SLC7A4: variants seen among roughly 807,000 people sequenced by gnomAD.
SLC7A4 encodes cationic amino acid transporter 4.
SLC7A4 carries 30 observed loss-of-function variants against 37.8 expected under a neutral mutation model. That is an observed-to-expected ratio of 0.79 (90% CI 0.59 to 1.08). The LOEUF is 1.08. Ranked by LOEUF, SLC7A4 falls within the 50% of genes least tolerant of loss-of-function variation. The pLI is 0.00. For missense variants in SLC7A4, 839 were observed against 843.2 expected, an observed-to-expected ratio of 1.00 and a Z score of 0.06; for synonymous variants, 359 against 376.5, an observed-to-expected ratio of 0.95 and a Z score of 0.54.
Position 21,030,331 on chromosome 22 carries a change from T to C in SLC7A4, c.1003A>G (p.Ser335Gly). 1 of 1,609,186 alleles carries C rather than the reference T, an allele frequency of 6.2e-7. No individual in the cohort carries two copies. Residue 335 changes from serine to glycine, a missense_variant, in exon 3 of 5, where the codon AGC becomes GGC. By Grantham distance (56) the Ser-to-Gly change is moderately conservative (BLOSUM62 0). Coordinates refer to ENST00000382932, the MANE Select transcript of SLC7A4 (RefSeq NM_004173.3). ...SICAMNTVLLSLLFSLPRIVY... is the reference protein window; with the variant it reads ...SICAMNTVLLGLLFSLPRIVY... ...ATGCGTGGCAGGGAGAAGAGGAGGC[T>C]GAGCAGGACGGTGTTCATGGCTGTA...
At position 21,028,727 on chromosome 22, in the gene SLC7A4, A is replaced by C. The variant is rs1601789976; in HGVS notation, c.*328T>G. 1.2e-5 allele frequency: 3 copies of C among 260,314 alleles called. No individual in the cohort carries two copies. In the East Asian group the frequency reaches 2.2e-4, roughly 19 times the overall value. The allele number at this position is 260,314 out of a possible 1,614,324, so 16.1% of individuals were successfully genotyped here. A position where few individuals can be genotyped will look rare whatever the true frequency, so the allele number is the denominator to read the frequency against. ...AGAATGCCACAGTGGATACGCCAGC[A>C]GGCCACATGGCTGGCCAAGCAATTA... On this transcript the variant is annotated 3_prime_UTR_variant, in exon 5 of 5. Coordinates refer to ENST00000382932, the MANE Select transcript of SLC7A4 (RefSeq NM_004173.3).
Position 21,030,812 on chromosome 22 carries a change from C to A in SLC7A4, c.982+19G>T, listed in dbSNP as rs1200354218. The A allele has an allele frequency of 1.2e-5, 18 of 1,547,424 alleles. No homozygotes were observed. The highest frequency in any genetic ancestry group is 1.5e-5 in the Non-Finnish European group (17 of 1,148,382). On this transcript the variant is annotated intron_variant, in intron 2 of 4. Coordinates refer to ENST00000382932, the MANE Select transcript of SLC7A4 (RefSeq NM_004173.3). ...CCTTGCTCTTTTCCCTGCCACCCTGCCCAGGAAGAGTCTCTCACCGCAGAT... is the reference window on the plus strand; with the variant it reads ...CCTTGCTCTTTTCCCTGCCACCCTGACCAGGAAGAGTCTCTCACCGCAGAT...
At position 21,031,175 on chromosome 22, in the gene SLC7A4, C is replaced by A; in HGVS notation, c.638G>T (p.Gly213Val). The A allele has an allele frequency of 6.2e-7, 1 of 1,613,834 alleles. No individual in the cohort carries two copies. Among genetic ancestry groups the A allele is most frequent in the Non-Finnish European group, 8.5e-7 (1 of 1,179,890 alleles). ...LLVILFIVIL[G>V]FILAQPHNWS... ...GTTGTGAGGCTGGGCCAGGATGAAG[C>A]CCAGGATGACAATGAAGAGAATGAC... The change falls in exon 2 of 5, where the codon GGC becomes GTC. Residue 213 changes from glycine to valine, a missense_variant. By Grantham distance (109) the Gly-to-Val change is moderately radical (BLOSUM62 -3). Coordinates refer to ENST00000382932, the MANE Select transcript of SLC7A4 (RefSeq NM_004173.3).
In SLC7A4 at chr22:21,029,016, A is replaced by G. The variant is rs773717776; in HGVS notation, c.*39T>C. 1.2e-5 allele frequency: 19 copies of G among 1,554,906 alleles called. No homozygotes were observed. Among genetic ancestry groups the G allele is most frequent in the Non-Finnish European group, 1.6e-5 (18 of 1,152,740 alleles). ...CTTGTCTGGCCTCTCTGGCCTCCCAAGCAGGTGTGGGAGGGCGGGGCAAGT... is the reference window on the plus strand; with the variant it reads ...CTTGTCTGGCCTCTCTGGCCTCCCAGGCAGGTGTGGGAGGGCGGGGCAAGT... On this transcript the variant is annotated 3_prime_UTR_variant, in exon 5 of 5. Transcript: ENST00000382932.
At chr22:21,032,103 C>G (rs1035288359) in intron 1 of SLC7A4, among the ~76,000 whole-genome samples, 3 of 140,684 alleles carry the variant, frequency 2.1e-5, no homozygotes, top group African/African-American at 7.8e-5. Context: ...CACCTGCTCA[C>G]CCGCTCGGTG....
In SLC7A4 at chr22:21,029,916, C is replaced by T. The variant is rs753856001; in HGVS notation, c.1418G>A (p.Ser473Asn). Residue 473 changes from serine (S) to asparagine (N), a missense_variant, in exon 3 of 5, where the codon AGC becomes AAC. By Grantham distance (46) the Ser-to-Asn change is conservative. Coordinates refer to ENST00000382932, the MANE Select transcript of SLC7A4 (RefSeq NM_004173.3). Reference protein sequence around the residue: ...RPYLGFLDGYSPGAVVTWALG... With the variant: ...RPYLGFLDGYNPGAVVTWALG... ...CGCCCAAGTCACCACTGCTCCAGGG[C>T]TGTACCCATCCAAGAAGCCCAGGTA... is the stretch of plus-strand genomic sequence containing the variant. The T allele has an allele frequency of 1.2e-6, 2 of 1,613,824 alleles. No individual in the cohort carries two copies. The highest frequency in any genetic ancestry group is 1.7e-5 in the Admixed American group (1 of 60,016).
chr22:21,031,357 G>T lies in SLC7A4; in HGVS notation c.456C>A (p.Phe152Leu), dbSNP rs954774810. ...GCCAAGAACCCACGTGGGTCTCAGT[G>T]AAGTTGCGGATGCTGTGGCTGAACA... ...DSMFSHSIRN[F>L]TETHVGSWQV... The change falls in exon 2 of 5, where the codon TTC becomes TTA. Residue 152 changes from phenylalanine (F) to leucine (L), a missense_variant. Phe to Leu is a conservative substitution (Grantham distance 22, BLOSUM62 0). Coordinates refer to ENST00000382932, the MANE Select transcript of SLC7A4 (RefSeq NM_004173.3). 1 of 1,611,584 alleles carries T rather than the reference G, an allele frequency of 6.2e-7. No individual in the cohort carries two copies. Among genetic ancestry groups the T allele is most frequent in the East Asian group, 2.2e-5 (1 of 44,856 alleles).
At position 21,030,358 on chromosome 22, in the gene SLC7A4, CAGAG is replaced by C. The variant is rs762061415; in HGVS notation, c.983-11_983-8del. On this transcript the variant is annotated splice_polypyrimidine_tract_variant and splice_region_variant and intron_variant, in intron 2 of 4. Transcript: ENST00000382932. The stretch of plus-strand genomic sequence containing the variant: ...AGCAGGACGGTGTTCATGGCTGTAG[CAGAG>C]AGAGTGGGGAGGGTCAGCATGGCGG... The C allele has an allele frequency of 4.4e-6, 7 of 1,592,198 alleles. No homozygotes were observed. The Admixed American group carries it at 1.0e-4, about 23-fold the overall frequency.
chr22:21,029,400 G>A lies in SLC7A4; in HGVS notation c.1668C>T (p.Asn556=), dbSNP rs1157716068. The change falls in exon 4 of 5, where the codon AAC becomes AAT. Residue 556 remains asparagine, a synonymous_variant. Coordinates refer to ENST00000382932, the MANE Select transcript of SLC7A4 (RefSeq NM_004173.3). ...AGCTAAGTTTCAGCATGAGGCAGAT[G>A]TTGAGGACGATGCTCAGGGCTGGAA... ...PLIPALSIVL[N]ICLMLKLSYL... is the part of the protein sequence containing the mutation. 2 of 1,613,798 alleles carry A rather than the reference G, an allele frequency of 1.2e-6. No homozygotes were observed. Among genetic ancestry groups the A allele is most frequent in the East Asian group, 4.5e-5 (2 of 44,884 alleles).
rs1341179662 is a variant in SLC7A4 at position 21,031,664 on chromosome 22, A to G, written c.149T>C (p.Met50Thr). The change falls in exon 2 of 5, where the codon ATG becomes ACG. Residue 50 changes from methionine to threonine, a missense_variant. Coordinates refer to ENST00000382932, the MANE Select transcript of SLC7A4 (RefSeq NM_004173.3). Reference protein sequence around the residue: ...LDLTLLGVGGMVGSGLYVLTG... With the variant: ...LDLTLLGVGGTVGSGLYVLTG... ...GAGCACGTAGAGACCCGAGCCCACC[A>G]TGCCACCCACGCCCAGAAGAGTCAG... 1.2e-6 allele frequency: 2 copies of G among 1,613,244 alleles called. No homozygotes were observed. The highest frequency in any genetic ancestry group is 1.3e-5 in the African/African-American group (1 of 74,932).
Position 21,031,582 on chromosome 22 carries a change from C to T in SLC7A4, c.231G>A (p.Val77=), listed in dbSNP as rs1328386432. 3 of 1,607,452 alleles carry T rather than the reference C, an allele frequency of 1.9e-6. No individual in the cohort carries two copies. Among genetic ancestry groups the T allele is most frequent in the Non-Finnish European group, 2.5e-6 (3 of 1,177,642 alleles). The change falls in exon 2 of 5, where the codon GTG becomes GTA. Residue 77 remains valine (V), a synonymous_variant. Coordinates refer to ENST00000382932, the MANE Select transcript of SLC7A4 (RefSeq NM_004173.3). ...AGPAVLLSFG[V]AAVASLLAAL... The stretch of plus-strand genomic sequence containing the variant: ...CTGCCAGCAGGGAGGCCACAGCGGC[C>T]ACACCGAAGGACAAGAGCACAGCAG...
chr22:21,029,615 C>T, intron 3 of SLC7A4, 96 bp downstream of exon 3: 1 of 1,382,532 alleles, frequency 7.2e-7, no homozygotes, highest in Non-Finnish European at 1.0e-6. Flanking sequence ...TGGTCCTCCC[C>T]AGCCCCGTGA....
chr22:21,030,499 T>G, intron 2 of SLC7A4, 148 bp from the exon 3 acceptor site: 1 of 883,814 alleles, frequency 1.1e-6, no homozygotes, highest in South Asian at 1.8e-5. Context: ...GTAGGAGTAA[T>G]AGATTGTCAG....
rs1457188843 is a variant in SLC7A4 at position 21,031,404 on chromosome 22, A to G, written c.409T>C (p.Trp137Arg). Residue 137 changes from tryptophan (W) to arginine (R), a missense_variant, in exon 2 of 5, where the codon TGG becomes CGG. Coordinates refer to ENST00000382932, the MANE Select transcript of SLC7A4 (RefSeq NM_004173.3). ...AACATAGAGTCCAGGTAGCCACTCC[A>G]GGCACGGGCCACGGCGGCGCCACCG... is the stretch of plus-strand genomic sequence containing the variant. ...IIGGAAVARA[W>R]SGYLDSMFSH... 1 of 1,608,270 alleles carries G rather than the reference A, an allele frequency of 6.2e-7. No individual in the cohort carries two copies. Among genetic ancestry groups the G allele is most frequent in the Non-Finnish European group, 8.5e-7 (1 of 1,177,540 alleles).
At position 21,029,989 on chromosome 22, in the gene SLC7A4, G is replaced by A. The variant is rs1328018365; in HGVS notation, c.1345C>T (p.His449Tyr). 6.2e-7 allele frequency: 1 copy of A among 1,613,850 alleles called. No homozygotes were observed. The change falls in exon 3 of 5, where the codon CAC (histidine) becomes TAC (tyrosine). Residue 449 changes from histidine (H) to tyrosine (Y), a missense_variant. Physicochemically the swap from His to Tyr is moderately conservative, Grantham distance 83. Coordinates refer to ENST00000382932, the MANE Select transcript of SLC7A4 (RefSeq NM_004173.3). ...TCCCCTGGCTCAGGGACGGAGGCGT[G>A]TACAGTGCCCACCAGCTGTAGGTGG... is the stretch of plus-strand genomic sequence containing the variant. ...SDHLQLVGTV[H>Y]ASVPEPGELK...
intron 1 of SLC7A4, among the ~76,000 whole-genome samples, 172 bp from the exon 2 acceptor site, chr22:21,032,024 G>A (rs1047199858): frequency 1.3e-5 from 2 of 152,210 alleles, no homozygotes; most frequent in African/African-American, 4.8e-5. Flanking sequence ...GAACCTGTGG[G>A]CAGGAGGTCA....
rs147564350 is a variant in SLC7A4 at position 21,029,105 on chromosome 22, T to C, written c.1858A>G (p.Met620Val). 3.7e-6 allele frequency: 6 copies of C among 1,612,884 alleles called. No homozygotes were observed. In the African/African-American group the frequency reaches 8.0e-5, roughly 22 times the overall value. ...GCTGGTGCCTGGCTGGGGGGCTGCA[T>C]AGCCTGCACTGTCTCCTCCAGGCTG... ...RGSLEETVQA[M>V]QPPSQAPAQD... Residue 620 changes from methionine to valine, a missense_variant, in exon 5 of 5, where the codon ATG (methionine) becomes GTG (valine). Coordinates refer to ENST00000382932, the MANE Select transcript of SLC7A4 (RefSeq NM_004173.3).
In SLC7A4 at chr22:21,031,566, G is replaced by GGGAGGCCAC. The variant is rs780893897; in HGVS notation, c.238_246dup (p.Val80_Ser82dup). ...TCTGCATAGCATAGGGCTGCCAGCA[G>GGGAGGCCAC]GGAGGCCACAGCGGCCACACCGAAG... On this transcript the variant is annotated inframe_insertion, in exon 2 of 5. Coordinates refer to ENST00000382932, the MANE Select transcript of SLC7A4 (RefSeq NM_004173.3). The GGGAGGCCAC allele has an allele frequency of 3.1e-6, 5 of 1,608,688 alleles. No individual in the cohort carries two copies. The South Asian group carries it at 4.4e-5, about 14-fold the overall frequency.
chr22:21,031,945 G>T, intron 1 of SLC7A4, 93 bp from the exon 2 acceptor site: 1 of 875,972 alleles, frequency 1.1e-6, no homozygotes, highest in Non-Finnish European at 1.5e-6. Context: ...TCCTCTCTCT[G>T]TCCCTGACCT....
Sources: allele counts gnomAD v4.1 joint callset (sites outside exome capture counted in the v4.1 genomes callset), GRCh38; gene constraint gnomAD v4.1.1; transcripts MANE v1.5; gene names NCBI Gene and HGNC (gene_info 2026-07-23, HGNC 2026-07-21).